Variants in SRP19 observed in about 807,000 individuals in gnomAD.
The protein encoded by SRP19 is signal recognition particle 19, also known as signal recognition particle 19 kDa protein.
SRP19 carries 11 observed loss-of-function variants against 22.4 expected under a neutral mutation model. The ratio of observed to expected loss-of-function variants is 0.49; its 90% confidence interval spans 0.31 to 0.81. SRP19 has a LOEUF of 0.81. Ranked by LOEUF, SRP19 falls within the 40% of genes least tolerant of loss-of-function variation. The pLI is 0.05. For missense variants in SRP19, 168 were observed against 175.9 expected, an observed-to-expected ratio of 0.96 and a Z score of 0.25; for synonymous variants, 61 against 57.6, an observed-to-expected ratio of 1.06 and a Z score of -0.27.
At chr5:112,871,488 G>T (rs34512377), downstream of SRP19, among the ~76,000 whole-genome samples, 7,752 of 152,042 alleles carry the variant, frequency 0.051, 289 homozygotes, top group Non-Finnish European at 0.075. Flanking sequence ...GGTGTGGTGT[G>T]GCTCATGCCT....
intron 4 of SRP19, chr5:112,887,229 G>A (rs751820360): frequency 2.1e-5 from 31 of 1,480,632 alleles, no homozygotes; most frequent in Non-Finnish European, 2.5e-5. Context: ...GGTGGAGGGG[G>A]CACATTCTGA....
chr5:112,861,352 C>G lies in SRP19; in HGVS notation c.-25C>G. ...TCTGCCGGGTTTCTCCCTGCGGCTCCTGGGTTGTTGAGACTCTTGTGAAGA... is the reference window on the plus strand; with the variant it reads ...TCTGCCGGGTTTCTCCCTGCGGCTCGTGGGTTGTTGAGACTCTTGTGAAGA... On this transcript the variant is annotated 5_prime_UTR_variant, in exon 1 of 5. Transcript: ENST00000505459. 6.2e-7 allele frequency: 1 copy of G among 1,614,180 alleles called. No homozygotes were observed. The highest frequency in any genetic ancestry group is 8.5e-7 in the Non-Finnish European group (1 of 1,180,010).
In SRP19 at chr5:112,869,008, CAT is replaced by C. The variant is rs1241171308; in HGVS notation, c.*1473_*1474del. The C allele has an allele frequency of 6.6e-6, 1 of 151,960 alleles. No homozygotes were observed. The highest frequency in any genetic ancestry group is 1.9e-4 in the East Asian group (1 of 5,180). 9.4% of individuals were successfully genotyped at this position (151,960 alleles called of 1,614,324 possible). ...TGGGGAGAGGGGAGTATGTGTAAAA[CAT>C]AATTCAGAGCAGCCTTCTTTGAGAA... On this transcript the variant is annotated 3_prime_UTR_variant, in exon 5 of 5. Transcript: ENST00000505459.
rs548366726 is a variant in SRP19, at chr5:112,891,443, C to CA, written c.302-153dup. The stretch of plus-strand genomic sequence containing the variant: ...TTCAAATTTATGATATACTTAATTA[C>CA]AAAAAAAGTCTAACTGCAATATAAA... On this transcript the variant is annotated intron_variant, in intron 4 of 4. Transcript: ENST00000391338. Among the ~76,000 whole-genome samples, 201 of 151,688 alleles carry CA rather than the reference C, an allele frequency of 1.3e-3. 4 individuals are homozygous for CA. Among genetic ancestry groups the CA allele is most frequent in the African/African-American group, 4.7e-3 (196 of 41,308 alleles).
downstream of SRP19, chr5:112,896,797 G>C (rs942319449): frequency 1.3e-5 from 2 of 152,198 alleles, no homozygotes; most frequent in Non-Finnish European, 2.9e-5. Flanking sequence ...GCCGGGCGTG[G>C]TTGTGCACCT....
Position 112,889,728 on chromosome 5 carries a change from C to T in SRP19, c.302-1875C>T, listed in dbSNP as rs546591724. Among the ~76,000 whole-genome samples the T allele has an allele frequency of 5.3e-5, 8 of 150,496 alleles. No homozygotes were observed. In the South Asian group the frequency reaches 1.7e-3, roughly 32 times the overall value. On this transcript the variant is annotated intron_variant, in intron 4 of 4. Coordinates refer to the SRP19 transcript ENST00000391338. ...TACTAGCCAGGCTTACACCTGTAAT[C>T]CCAGCACTTTGGGAGGCTGAGGTTG...
downstream of SRP19, among the ~76,000 whole-genome samples, chr5:112,873,271 C>CTTTTTTTTTTTTTT (rs35379154): frequency 2.0e-5 from 1 of 50,718 alleles, no homozygotes; most frequent in Non-Finnish European, 3.4e-5. Flanking sequence ...CTCAGGTTTT[C>CTTTTTTTTTTTTTT]TTTTTTTTTT....
intron 4 of SRP19, among the ~76,000 whole-genome samples, chr5:112,882,314 T>C (rs1052746667): frequency 6.6e-6 from 1 of 152,142 alleles, no homozygotes; most frequent in Non-Finnish European, 1.5e-5. Context: ...CCCTGCTTTT[T>C]TGCTCATTGT....
chr5:112,866,874 A>G (rs923308054), intron 4 of SRP19, among the ~76,000 whole-genome samples: 1 of 152,366 alleles, frequency 6.6e-6, no homozygotes, highest in East Asian at 1.9e-4. Context: ...CAAGTAAGAT[A>G]GTAAAAAGAA....
chr5:112,874,936 C>T (rs757227605), intron 4 of SRP19, among the ~76,000 whole-genome samples: 30 of 152,032 alleles, frequency 2.0e-4, no homozygotes, highest in Non-Finnish European at 3.7e-4. Flanking sequence ...CCACCACACC[C>T]GGCTAATTTT....
At chr5:112,886,950 G>A in intron 4 of SRP19, 10 of 1,246,284 alleles carry the variant, frequency 8.0e-6, no homozygotes, top group South Asian at 1.6e-5. Context: ...CAGGAAGCCT[G>A]TTATTTGAGC....
downstream of SRP19, among the ~76,000 whole-genome samples, chr5:112,870,895 C>T (rs1580719278): frequency 6.6e-6 from 1 of 152,180 alleles, no homozygotes; most frequent in East Asian, 1.9e-4. Context: ...ACACATTGCC[C>T]AGGCTGGTGT....
chr5:112,883,108 C>G (rs1768127639), intron 4 of SRP19, among the ~76,000 whole-genome samples: 1 of 152,222 alleles, frequency 6.6e-6, no homozygotes, highest in Admixed American at 6.5e-5. Context: ...TTCAAACAGG[C>G]TTTGTTTCTC....
intron 4 of SRP19, chr5:112,891,560 GAC>G: frequency 1.3e-6 from 2 of 1,542,540 alleles, no homozygotes; most frequent in Non-Finnish European, 1.8e-6. Flanking sequence ...TAGAATCACT[GAC>G]AGTGGCAGCT....
downstream of SRP19, among the ~76,000 whole-genome samples, chr5:112,873,713 T>A (rs1260782598): frequency 6.6e-6 from 1 of 152,178 alleles, no homozygotes; most frequent in Non-Finnish European, 1.5e-5. Flanking sequence ...TATTCTCAGT[T>A]CATGGATGTA....
intron 4 of SRP19, 92 bp from the exon 5 acceptor site, chr5:112,867,312 T>C: frequency 7.1e-7 from 1 of 1,411,222 alleles, no homozygotes; most frequent in East Asian, 2.3e-5. Flanking sequence ...TTTCTTGATG[T>C]GATAGTTTCT....
chr5:112,875,908 G>A (rs1436905859), intron 4 of SRP19, among the ~76,000 whole-genome samples: 2 of 151,960 alleles, frequency 1.3e-5, no homozygotes, highest in Non-Finnish European at 2.9e-5. Context: ...GTAGCCAGGC[G>A]TGGCGGCGGG....
chr5:112,894,150 T>C (rs1297008281), downstream of SRP19: 1 of 147,012 alleles, frequency 6.8e-6, no homozygotes, highest in Admixed American at 7.0e-5. Flanking sequence ...TGAGACGGAG[T>C]CTTGCTCTGT....
chr5:112,896,913 A>C (rs1157648254), downstream of SRP19: 7 of 152,352 alleles, frequency 4.6e-5, no homozygotes, highest in East Asian at 1.9e-4. Flanking sequence ...TGGGCGACAG[A>C]GCAAGACTCC....
Sources: allele counts gnomAD v4.1 joint callset (sites outside exome capture counted in the v4.1 genomes callset), GRCh38; gene constraint gnomAD v4.1.1; transcripts MANE v1.5; gene names NCBI Gene and HGNC (gene_info 2026-07-23, HGNC 2026-07-21).